The following DUSP29 variants were observed in gnomAD, a reference collection of about 807,000 sequenced individuals.
DUSP29 encodes atypical dual-specific protein phosphatase.
A neutral mutation model predicts 13.5 loss-of-function variants in DUSP29; 12 were observed. The ratio of observed to expected loss-of-function variants is 0.89; its 90% confidence interval spans 0.57 to 1.44. DUSP29 has a LOEUF of 1.44. Among genes scored for constraint, DUSP29 ranks in the 40% most tolerant of loss-of-function variants. DUSP29 has a pLI of 0.00. For synonymous variants in DUSP29, 134 were observed against 128.7 expected (o/e 1.04, Z -0.28); for missense variants, 308 against 301.1 (o/e 1.02, Z -0.17).
intron 2 of DUSP29, among the ~76,000 whole-genome samples, chr10:75,054,082 A>T (rs1412605644): frequency 6.6e-6 from 1 of 152,194 alleles, no homozygotes; most frequent in African/African-American, 2.4e-5. Context: ...CACTATGGGG[A>T]TTGGAGGAAG....
At chr10:75,071,382 G>C (rs940638561) in intron 1 of DUSP29, among the ~76,000 whole-genome samples, 1 of 152,158 alleles carries the variant, frequency 6.6e-6, no homozygotes, top group African/African-American at 2.4e-5. Flanking sequence ...CCCCACCCTG[G>C]TGGACTCAAC....
chr10:75,038,144 C>T, intron 3 of DUSP29, 67 bp from the exon 4 acceptor site: 1 of 1,547,414 alleles, frequency 6.5e-7, no homozygotes, highest in Non-Finnish European at 8.7e-7. Context: ...AGGTAGGGCC[C>T]ACTCCCATCC....
chr10:75,060,561 A>G (rs1054020413), intron 1 of DUSP29, among the ~76,000 whole-genome samples: 1 of 152,086 alleles, frequency 6.6e-6, no homozygotes, highest in African/African-American at 2.4e-5. Flanking sequence ...GATAAAGGAG[A>G]AGAATCTGCA....
intron 2 of DUSP29, among the ~76,000 whole-genome samples, chr10:75,052,765 G>A (rs1846871311): frequency 6.6e-6 from 1 of 152,216 alleles, no homozygotes; most frequent in African/African-American, 2.4e-5. Context: ...TATTCTTCAA[G>A]TTGAGGAAAA....
At chr10:75,039,052 A>G (rs531116316) in intron 3 of DUSP29, among the ~76,000 whole-genome samples, 14 of 152,274 alleles carry the variant, frequency 9.2e-5, no homozygotes, top group African/African-American at 3.4e-4. Context: ...ATCTCTTACC[A>G]TCACAGGGGC....
At chr10:75,058,699 A>T (rs1847021458) in intron 1 of DUSP29, among the ~76,000 whole-genome samples, 151 bp from the exon 2 acceptor site, 1 of 152,224 alleles carries the variant, frequency 6.6e-6, no homozygotes, top group Non-Finnish European at 1.5e-5. Flanking sequence ...CCCAGGCCAC[A>T]CAGGTAAACA....
intron 2 of DUSP29, among the ~76,000 whole-genome samples, chr10:75,053,466 T>A (rs2134292290): frequency 6.6e-6 from 1 of 152,372 alleles, no homozygotes; most frequent in East Asian, 1.9e-4. Context: ...TTTCATTTAA[T>A]CTTCACCCAG....
At chr10:75,064,383 C>T (rs1847152745) in intron 1 of DUSP29, among the ~76,000 whole-genome samples, 1 of 152,178 alleles carries the variant, frequency 6.6e-6, no homozygotes, top group Non-Finnish European at 1.5e-5. Flanking sequence ...TGGCGCATGC[C>T]TGTAGTCCCA....
intron 2 of DUSP29, among the ~76,000 whole-genome samples, chr10:75,056,711 C>G (rs1270133092): frequency 6.6e-6 from 1 of 151,830 alleles, no homozygotes; most frequent in African/African-American, 2.4e-5. Flanking sequence ...TATATGTTTC[C>G]TTATGTTGGC....
chr10:75,065,749 G>A (rs1348425791), intron 1 of DUSP29, among the ~76,000 whole-genome samples: 1 of 151,518 alleles, frequency 6.6e-6, no homozygotes, highest in Non-Finnish European at 1.5e-5. Context: ...GTGGTGCAGT[G>A]GTTCAATCAT....
Position 75,037,833 on chromosome 10 carries a change from G to A in DUSP29, c.*3C>T. 1 of 1,599,482 alleles carries A rather than the reference G, an allele frequency of 6.3e-7. No homozygotes were observed. Among genetic ancestry groups the A allele is most frequent in the Middle Eastern group, 1.8e-4 (1 of 5,480 alleles). ...GTGCCTCTGCTGGCCCTGTGAGTCG[G>A]GCCTACAGCTCCCTGCCATCCTCCT... On this transcript the variant is annotated 3_prime_UTR_variant, in exon 4 of 4. Transcript: ENST00000338487.
rs558699835 is a variant in DUSP29 at position 75,053,351 on chromosome 10, C to T, written c.200+4964G>A. ...TGAAATCCTACCCATCTTCAAAAGT[C>T]GAGCCTAGATCCATGTCTTCTGTGA... is the stretch of plus-strand genomic sequence containing the variant. On this transcript the variant is annotated intron_variant, in intron 2 of 3. Coordinates refer to ENST00000338487, the MANE Select transcript of DUSP29 (RefSeq NM_001003892.3). Among the ~76,000 whole-genome samples the T allele has an allele frequency of 2.0e-5, 3 of 152,320 alleles. 1 individual carries two copies. The highest frequency in any genetic ancestry group is 2.1e-4 in the South Asian group (1 of 4,822).
rs937331976 is a variant in DUSP29, at chr10:75,039,114, T to C, written c.422-1037A>G. Among the ~76,000 whole-genome samples the C allele has an allele frequency of 2.6e-5, 4 of 152,240 alleles. No homozygotes were observed. In the East Asian group the frequency reaches 7.7e-4, roughly 29 times the overall value. On this transcript the variant is annotated intron_variant, in intron 3 of 3. Coordinates refer to ENST00000338487, the MANE Select transcript of DUSP29 (RefSeq NM_001003892.3). The stretch of plus-strand genomic sequence containing the variant: ...ATTTCCCAACTTCTGTCAGAGCTCC[T>C]AGGGTCCCCCTGGCCAGAGCACACT...
intron 1 of DUSP29, among the ~76,000 whole-genome samples, chr10:75,070,472 G>T (rs1847307018): frequency 6.6e-6 from 1 of 152,190 alleles, no homozygotes; most frequent in African/African-American, 2.4e-5. Flanking sequence ...GTCAAATGGG[G>T]ATAACTTGCA....
intron 1 of DUSP29, among the ~76,000 whole-genome samples, chr10:75,063,594 C>T (rs138346778): frequency 1.7e-3 from 257 of 152,120 alleles, no homozygotes; most frequent in African/African-American, 5.9e-3. Context: ...GGAGGCTGGC[C>T]CGTGTGTTGG....
intron 1 of DUSP29, among the ~76,000 whole-genome samples, chr10:75,060,211 T>A (rs1847057326): frequency 6.6e-6 from 1 of 152,132 alleles, no homozygotes; most frequent in Non-Finnish European, 1.5e-5. Flanking sequence ...GGCTTATGCC[T>A]GTAATCCCAG....
intron 2 of DUSP29, among the ~76,000 whole-genome samples, chr10:75,057,900 G>A (rs182430243): frequency 3.7e-4 from 57 of 152,304 alleles, no homozygotes; most frequent in Admixed American, 2.9e-3. Flanking sequence ...CTTTGCTTTC[G>A]GAAGATGCCC....
chr10:75,045,028 A>G (rs1026596499), intron 2 of DUSP29, among the ~76,000 whole-genome samples: 2 of 152,230 alleles, frequency 1.3e-5, no homozygotes, highest in African/African-American at 4.8e-5. Flanking sequence ...GCAATCTATT[A>G]TGTGCCAGGC....
rs1176455890 is a variant in DUSP29, at chr10:75,042,589, G to GT, written c.421+1207dup. Among the ~76,000 whole-genome samples the GT allele has an allele frequency of 2.6e-5, 4 of 152,178 alleles. No homozygotes were observed. In the South Asian group the frequency reaches 6.2e-4, roughly 24 times the overall value. ...TAATACAGGCATGTTAGCTCTAAGG[G>GT]TTTTTTTTCATTGTGACATTGCTTT... On this transcript the variant is annotated intron_variant, in intron 3 of 3. Transcript: ENST00000338487.
Sources: gnomAD v4.1 joint callset for allele counts (sites outside exome capture counted in the v4.1 genomes callset) on GRCh38, gnomAD v4.1.1 for gene constraint, MANE v1.5 for transcripts, NCBI Gene and HGNC (gene_info 2026-07-23, HGNC 2026-07-21) for gene names.